Variants in PCDH15 observed in about 807,000 individuals in gnomAD.
PCDH15 encodes protocadherin related 15.
Under a neutral mutation model 178.5 loss-of-function variants are expected in PCDH15, and 129 were observed. The ratio of observed to expected loss-of-function variants is 0.72; its 90% CI spans 0.63 to 0.84. The LOEUF is 0.84. PCDH15 is among the 40% of genes least tolerant of loss of function. The pLI is 0.00. For synonymous variants in PCDH15, 800 were observed against 732.0 expected, an observed-to-expected ratio of 1.09 and a Z score of -1.50; for missense variants, 2,230 against 2,099.9, an observed-to-expected ratio of 1.06 and a Z score of -1.21.
chr10:54,358,927 C>T (rs1381925559), intron 5 of PCDH15, among the ~76,000 whole-genome samples: 4 of 147,926 alleles, frequency 2.7e-5, no homozygotes, highest in South Asian at 2.1e-4. Context: ...AACCAAACAC[C>T]GCATATTCTC....
intron 1 of PCDH15, among the ~76,000 whole-genome samples, chr10:55,203,238 T>G (rs1452464344): frequency 2.0e-5 from 3 of 152,058 alleles, no homozygotes; most frequent in Non-Finnish European, 4.4e-5. Context: ...ACACTTCTAA[T>G]TCCATAAATT....
At chr10:53,865,117 C>T (rs565128979) in intron 27 of PCDH15, among the ~76,000 whole-genome samples, 4 of 151,960 alleles carry the variant, frequency 2.6e-5, no homozygotes, top group Non-Finnish European at 5.9e-5. Context: ...ACAACAACAA[C>T]GATACTAATT....
intron 2 of PCDH15, among the ~76,000 whole-genome samples, chr10:55,424,943 G>A (rs1477046101): frequency 6.6e-6 from 1 of 151,800 alleles, no homozygotes; most frequent in African/African-American, 2.4e-5. Flanking sequence ...TTACAGATAT[G>A]AAATGGTTTG....
intron 5 of PCDH15, among the ~76,000 whole-genome samples, chr10:54,362,993 A>G (rs573949657): frequency 6.6e-6 from 1 of 152,202 alleles, no homozygotes; most frequent in Admixed American, 6.6e-5. Context: ...CTTCTTCATA[A>G]ATTTAACTCA....
At chr10:54,527,096 AAC>A (rs1312853089) in intron 3 of PCDH15, among the ~76,000 whole-genome samples, 2 of 152,172 alleles carry the variant, frequency 1.3e-5, no homozygotes, top group Admixed American at 1.3e-4. Context: ...TTAAAATAGA[AAC>A]AGAGTCCCAA....
At chr10:53,993,356 CA>C (rs2091647502) in intron 21 of PCDH15, among the ~76,000 whole-genome samples, 2 of 152,138 alleles carry the variant, frequency 1.3e-5, no homozygotes, top group African/African-American at 4.8e-5. Flanking sequence ...TAGTAAGTAG[CA>C]GGCTTAGAGT....
intron 2 of PCDH15, among the ~76,000 whole-genome samples, chr10:54,908,130 C>G (rs894282032): frequency 2.6e-5 from 4 of 152,200 alleles, no homozygotes; most frequent in Admixed American, 2.6e-4. Flanking sequence ...TGGGCTGGTT[C>G]TGATAACTCA....
intron 2 of PCDH15, among the ~76,000 whole-genome samples, chr10:55,399,940 G>T (rs1480953544): frequency 6.6e-6 from 1 of 152,022 alleles, no homozygotes; most frequent in African/African-American, 2.4e-5. Context: ...TTGAGTTTCT[G>T]ATCCTTCCTT....
intron 2 of PCDH15, among the ~76,000 whole-genome samples, chr10:55,420,911 T>C (rs752263514): frequency 6.6e-6 from 1 of 151,632 alleles, no homozygotes; most frequent in Non-Finnish European, 1.5e-5. Flanking sequence ...GAAGATAAAT[T>C]AAATGATTAT....
chr10:54,072,460 T>C (rs1397310900), intron 17 of PCDH15, among the ~76,000 whole-genome samples: 1 of 151,838 alleles, frequency 6.6e-6, no homozygotes, highest in African/African-American at 2.4e-5. Flanking sequence ...AGGAAAAAAA[T>C]ATACATAAAA....
intron 3 of PCDH15, among the ~76,000 whole-genome samples, chr10:54,873,695 T>TTATATATA (rs4019624): frequency 2.7e-4 from 37 of 138,920 alleles, no homozygotes; most frequent in Middle Eastern, 3.6e-3. Flanking sequence ...CTGCTGTATT[T>TTATATATA]TATATATATA....
chr10:53,954,369 A>G (rs1365650859), intron 23 of PCDH15, among the ~76,000 whole-genome samples: 3 of 152,210 alleles, frequency 2.0e-5, no homozygotes, highest in South Asian at 2.1e-4. Flanking sequence ...CAACTAATCA[A>G]TTACCAATAG....
chr10:54,406,981 G>A (rs1298480533), intron 3 of PCDH15, among the ~76,000 whole-genome samples: 1 of 152,056 alleles, frequency 6.6e-6, no homozygotes, highest in Non-Finnish European at 1.5e-5. Flanking sequence ...CAGAACTTGT[G>A]TCTAACAAAC....
intron 2 of PCDH15, among the ~76,000 whole-genome samples, chr10:54,925,402 C>T (rs1837592432): frequency 6.8e-6 from 1 of 147,498 alleles, no homozygotes; most frequent in Non-Finnish European, 1.5e-5. Context: ...TTTCTTTTTG[C>T]TTAGCATTTC....
intron 9 of PCDH15, among the ~76,000 whole-genome samples, chr10:54,223,005 T>C (rs143027219): frequency 3.8e-4 from 58 of 152,266 alleles, no homozygotes; most frequent in African/African-American, 1.2e-3. Context: ...AGATTTGCAT[T>C]TGTTACATTT....
intron 8 of PCDH15, 113 bp from the exon 9 acceptor site, chr10:54,237,044 A>G (rs2054704984): frequency 5.5e-6 from 5 of 912,582 alleles, no homozygotes; most frequent in Non-Finnish European, 7.3e-6. Flanking sequence ...AGTAAACTCA[A>G]GTTTCAACAT....
intron 2 of PCDH15, among the ~76,000 whole-genome samples, chr10:55,111,185 T>A (rs903450539): frequency 1.3e-5 from 2 of 152,152 alleles, no homozygotes; most frequent in Non-Finnish European, 2.9e-5. Context: ...TTCATTAATA[T>A]GTGTCTGAAG....
intron 2 of PCDH15, among the ~76,000 whole-genome samples, chr10:55,406,385 T>A (rs1409545192): frequency 1.3e-5 from 2 of 152,144 alleles, no homozygotes; most frequent in African/African-American, 4.8e-5. Flanking sequence ...CAAAGGAGCA[T>A]CATTTGTACC....
rs150179378 is a variant in PCDH15 at position 53,824,492 on chromosome 10, A to T, written c.4367+2901T>A. 5.1e-3 allele frequency among the ~76,000 whole-genome samples: 778 copies of T among 152,312 alleles called. 9 individuals carry two copies. The highest frequency in any genetic ancestry group is 0.018 in the African/African-American group (751 of 41,582). On this transcript the variant is annotated intron_variant, in intron 32 of 37. Coordinates refer to ENST00000644397, the MANE Select transcript of PCDH15 (RefSeq NM_001384140.1). ...GATAGTTTAGGCAACAAAATAATAA[A>T]GCCACAGTTGTTAATGTGTCTTTTG...
Sources: allele counts gnomAD v4.1 joint callset (sites outside exome capture counted in the v4.1 genomes callset), GRCh38; gene constraint gnomAD v4.1.1; transcripts MANE v1.5; gene names NCBI Gene and HGNC (gene_info 2026-07-23, HGNC 2026-07-21).